PRKAR1A: variants seen among roughly 807,000 people sequenced by gnomAD.
The protein encoded by PRKAR1A is cAMP-dependent protein kinase type I-alpha regulatory subunit.
Under a neutral mutation model 52.0 loss-of-function variants are expected in PRKAR1A, and 3 were observed. The observed-to-expected ratio is 0.06, with a 90% CI of 0.03 to 0.15. The LOEUF (loss-of-function observed/expected upper bound fraction) is 0.15, where lower values mean the gene tolerates loss of function less well. PRKAR1A is among the 10% of genes least tolerant of loss of function. The pLI, the probability that PRKAR1A is intolerant of heterozygous loss-of-function variation, is 1.00. For synonymous variants in PRKAR1A, 188 were observed against 168.4 expected, an observed-to-expected ratio of 1.12 and a Z score of -0.90; for missense variants, 240 against 477.4, an observed-to-expected ratio of 0.50 and a Z score of 4.63.
At chr17:68,452,401 C>A in the PRKAR1A span, among the ~76,000 whole-genome samples, 1 of 152,152 alleles carries the variant, frequency 6.6e-6, no homozygotes, top group Non-Finnish European at 1.5e-5. Flanking sequence ...CCCGTCTCTA[C>A]TAAAAATACA....
the PRKAR1A span, among the ~76,000 whole-genome samples, chr17:68,449,870 G>A: frequency 2.6e-5 from 4 of 152,180 alleles, no homozygotes; most frequent in African/African-American, 9.7e-5. Context: ...AATTAGCTGG[G>A]CGTGGTGGTG....
the PRKAR1A span, among the ~76,000 whole-genome samples, chr17:68,435,962 GCA>G: frequency 5.3e-5 from 8 of 152,374 alleles, no homozygotes; most frequent in East Asian, 1.5e-3. Context: ...AGCACCTGAT[GCA>G]GTGTGATGCC....
the PRKAR1A span, chr17:68,440,943 T>C: frequency 6.6e-6 from 1 of 152,234 alleles, no homozygotes; most frequent in Non-Finnish European, 1.5e-5. Flanking sequence ...TGCCCTATGC[T>C]CCTACAAAAG....
At chr17:68,508,056 G>C (rs536239864), upstream of PRKAR1A, among the ~76,000 whole-genome samples, 231 of 145,178 alleles carry the variant, frequency 1.6e-3, 1 homozygote, top group African/African-American at 5.5e-3. Flanking sequence ...GCCTCACTCA[G>C]TTGAAGGCCT....
At position 68,533,137 on chromosome 17, in the gene PRKAR1A, A is replaced by G; in HGVS notation, c.*2688A>G. Reference sequence around the variant, plus strand: ...ACTCTTTGGTTTAAATTTAATATATACATTTAATGTTACTTAGGGATACTT... The same window carrying G: ...ACTCTTTGGTTTAAATTTAATATATGCATTTAATGTTACTTAGGGATACTT... On this transcript the variant is annotated 3_prime_UTR_variant, in exon 11 of 11. Transcript: ENST00000589228. 1.9e-6 allele frequency: 2 copies of G among 1,060,372 alleles called. No individual in the cohort carries two copies. The highest frequency in any genetic ancestry group is 2.3e-6 in the Non-Finnish European group (2 of 875,050). The allele number at this position is 1,060,372 out of a possible 1,614,324, so 65.7% of individuals were successfully genotyped here. A position where few individuals can be genotyped will look rare whatever the true frequency, so the allele number is the denominator to read the frequency against.
chr17:68,456,158 G>T, the PRKAR1A span, among the ~76,000 whole-genome samples: 13 of 152,214 alleles, frequency 8.5e-5, no homozygotes, highest in African/African-American at 1.4e-4. Context: ...TTGTGGTCAA[G>T]AAAAACTTGA....
At chr17:68,470,608 G>C in the PRKAR1A span, among the ~76,000 whole-genome samples, 1 of 152,136 alleles carries the variant, frequency 6.6e-6, no homozygotes, top group Non-Finnish European at 1.5e-5. Flanking sequence ...TCTGCCAAAG[G>C]TGGCCAAGAT....
the PRKAR1A span, chr17:68,426,254 G>GGGGCCCCCCCCCCC: frequency 3.7e-6 from 3 of 816,904 alleles, no homozygotes; most frequent in East Asian, 3.5e-5. Flanking sequence ...GGGAGCGGGG[G>GGGGCCCCCCCCCCC]CTCAAATAAA....
chr17:68,536,675 T>C (rs1167321641), downstream of PRKAR1A: 3 of 453,246 alleles, frequency 6.6e-6, no homozygotes, highest in African/African-American at 6.0e-5. Context: ...CCTGCCTTAC[T>C]CCAGGCTTGT....
rs1323267639 is a variant in PRKAR1A, at chr17:68,515,960, T to TA, written c.177+386dup. The TA allele has an allele frequency of 1.3e-5, 3 of 232,242 alleles. No individual in the cohort carries two copies. In the East Asian group the frequency reaches 3.6e-4, roughly 28 times the overall value. 14.4% of individuals were successfully genotyped at this position (232,242 alleles called of 1,614,324 possible). A position where few individuals can be genotyped will look rare whatever the true frequency, so the allele number is the denominator to read the frequency against. On this transcript the variant is annotated intron_variant, in intron 2 of 10. Transcript: ENST00000589228. ...CTCCTCCCGTTTTGAACAAAGCAAGTAAGCGTAGTAAATCTTATCCCACTT... is the reference window on the plus strand; with the variant it reads ...CTCCTCCCGTTTTGAACAAAGCAAGTAAAGCGTAGTAAATCTTATCCCACTT...
rs530697953 is a variant in PRKAR1A at position 68,513,079 on chromosome 17, G to A, written c.-7+531G>A. 1.8e-3 allele frequency: 272 copies of A among 152,286 alleles called. 1 individual carries two copies. Among genetic ancestry groups the A allele is most frequent in the Non-Finnish European group, 2.4e-3 (162 of 68,092 alleles). 9.4% of individuals were successfully genotyped at this position (152,286 alleles called of 1,614,324 possible). A position where few individuals can be genotyped will look rare whatever the true frequency, so the allele number is the denominator to read the frequency against. ...CCCCCAACACGACGGTCTTAGTCGG[G>A]CTCCTGAATTTCCTCTTGTCCCCTT... On this transcript the variant is annotated intron_variant, in intron 1 of 10. Transcript: ENST00000589228.
chr17:68,462,306 CT>C, the PRKAR1A span, among the ~76,000 whole-genome samples: 1 of 150,834 alleles, frequency 6.6e-6, no homozygotes. Flanking sequence ...TCTACAAGTG[CT>C]TTTGCTAATG....
chr17:68,540,156 ACAAG>A (rs1328897411), intron 11 of PRKAR1A, among the ~76,000 whole-genome samples: 6 of 152,170 alleles, frequency 3.9e-5, no homozygotes, highest in African/African-American at 1.2e-4. Flanking sequence ...AGGAAGCGAA[ACAAG>A]CAAACCCTAA....
chr17:68,472,811 T>C, the PRKAR1A span, among the ~76,000 whole-genome samples: 1 of 151,918 alleles, frequency 6.6e-6, no homozygotes, highest in East Asian at 1.9e-4. Context: ...CTGGGCGTGG[T>C]GGCATGCCAC....
chr17:68,471,899 C>G, the PRKAR1A span, among the ~76,000 whole-genome samples: 1 of 152,118 alleles, frequency 6.6e-6, no homozygotes, highest in Non-Finnish European at 1.5e-5. Context: ...CTCCCAGGTT[C>G]AAGCCATTCT....
chr17:68,542,823 A>C (rs1292095605), intron 11 of PRKAR1A: 1 of 1,590,612 alleles, frequency 6.3e-7, no homozygotes, highest in Non-Finnish European at 8.6e-7. Flanking sequence ...CAAGAGAGGA[A>C]GCTCTGTTCC....
downstream of PRKAR1A, chr17:68,537,259 G>A: frequency 1.4e-6 from 1 of 705,232 alleles, no homozygotes; most frequent in South Asian, 1.5e-5. This position sits in a 1 kb window ranked among gnomAD's most constrained non-coding sequence, Gnocchi z 4.2. Context: ...AGTGCTTTTT[G>A]GGAAAAACGG....
At chr17:68,474,348 A>G in the PRKAR1A span, among the ~76,000 whole-genome samples, 8 of 152,164 alleles carry the variant, frequency 5.3e-5, no homozygotes, top group Non-Finnish European at 1.0e-4. Context: ...TTCCTAACAA[A>G]TAAAAAGGAT....
intron 9 of PRKAR1A, 145 bp from the exon 10 acceptor site, chr17:68,529,775 G>A: frequency 1.2e-6 from 1 of 801,724 alleles, no homozygotes; most frequent in South Asian, 1.4e-5. Context: ...AATAGAAATT[G>A]AAGCTCATGT....
Sources: gnomAD v4.1 joint callset for allele counts (sites outside exome capture counted in the v4.1 genomes callset) on GRCh38, gnomAD v4.1.1 for gene constraint, Gnocchi (gnomAD v3.1) non-coding constraint, MANE v1.5 for transcripts, NCBI Gene and HGNC (gene_info 2026-07-23, HGNC 2026-07-21) for gene names.